The following ANKS1A variants were observed in gnomAD, a reference collection of about 807,000 sequenced individuals.
The protein encoded by ANKS1A is ankyrin repeat and sterile alpha motif domain containing 1A.
Under a neutral mutation model 120.3 loss-of-function variants are expected in ANKS1A, and 55 were observed. That is an observed-to-expected ratio of 0.46 (90% CI 0.37 to 0.57). The LOEUF (loss-of-function observed/expected upper bound fraction) is 0.57, where lower values mean the gene tolerates loss of function less well. Among genes scored for constraint, ANKS1A ranks in the 20% least tolerant of loss-of-function variants. ANKS1A has a pLI of 0.00. For missense variants in ANKS1A, 1,123 were observed against 1,480.3 expected (o/e 0.76, Z 3.96); for synonymous variants, 590 against 604.7 (o/e 0.98, Z 0.36).
In ANKS1A at chr6:34,889,423, G is replaced by C; in HGVS notation, c.21G>C (p.Leu7=). MGKEQE[L]LEAARTGHLP... ...TGGGGATGGGGAAGGAGCAGGAGCTGCTGGAGGCGGCCCGCACCGGGCACC... is the reference window on the plus strand; with the variant it reads ...TGGGGATGGGGAAGGAGCAGGAGCTCCTGGAGGCGGCCCGCACCGGGCACC... Residue 7 remains leucine, a synonymous_variant, in exon 1 of 24, where the codon CTG becomes CTC. Coordinates refer to ENST00000360359, the MANE Select transcript of ANKS1A (RefSeq NM_015245.3). The surrounding 1 kb of genome is among the most constrained non-coding windows in gnomAD (Gnocchi z 5.5). The C allele has an allele frequency of 7.8e-7, 1 of 1,285,198 alleles. No individual in the cohort carries two copies. The highest frequency in any genetic ancestry group is 9.8e-7 in the Non-Finnish European group (1 of 1,019,812). The allele number at this position is 1,285,198 out of a possible 1,614,324, so 79.6% of individuals were successfully genotyped here.
chr6:34,946,556 C>T (rs970504480), intron 1 of ANKS1A, among the ~76,000 whole-genome samples: 2 of 151,332 alleles, frequency 1.3e-5, no homozygotes, highest in African/African-American at 2.4e-5. Flanking sequence ...CTACTGCACT[C>T]CATCCTGGGT....
At chr6:35,018,210 A>T (rs1345930805) in intron 11 of ANKS1A, 151 bp downstream of exon 11, 11 of 790,982 alleles carry the variant, frequency 1.4e-5, no homozygotes, top group Non-Finnish European at 2.2e-5. Context: ...TGACAATCGT[A>T]AGAAGAGGCG....
At chr6:34,988,083 C>G (rs934247361) in intron 8 of ANKS1A, among the ~76,000 whole-genome samples, 1 of 152,238 alleles carries the variant, frequency 6.6e-6, no homozygotes, top group Non-Finnish European at 1.5e-5. Flanking sequence ...CTAACTTATC[C>G]TGTGTCACCT....
intron 20 of ANKS1A, 118 bp downstream of exon 20, chr6:35,083,621 C>A (rs1777804636): frequency 1.1e-6 from 1 of 941,352 alleles, no homozygotes; most frequent in Non-Finnish European, 1.7e-6. Context: ...CTAGAGGGTC[C>A]CCAGTCCTCT....
intron 12 of ANKS1A, among the ~76,000 whole-genome samples, chr6:35,056,413 C>T (rs1464060781): frequency 4.6e-5 from 7 of 152,158 alleles, no homozygotes; most frequent in African/African-American, 1.2e-4. Flanking sequence ...CTCAGCCTCC[C>T]GAGTAGCTGG....
rs1771952715 is a variant in ANKS1A at position 34,982,466 on chromosome 6, T to C, written c.733-286T>C. Among the ~76,000 whole-genome samples, 1 of 152,134 alleles carries C rather than the reference T, an allele frequency of 6.6e-6. No individual in the cohort carries two copies. The highest frequency in any genetic ancestry group is 2.4e-5 in the African/African-American group (1 of 41,402). On this transcript the variant is annotated intron_variant, in intron 4 of 23. Coordinates refer to ENST00000360359, the MANE Select transcript of ANKS1A (RefSeq NM_015245.3). This position sits in a 1 kb window ranked among gnomAD's most constrained non-coding sequence, Gnocchi z 4.9. ...TTGTACTTTTCTTCTTATTACTCCT[T>C]CCACCCAGGAAGGTGGAGTTCTGAG...
In ANKS1A at chr6:35,082,527, C is replaced by T. The variant is rs1037604485; in HGVS notation, c.2710-164C>T. Among the ~76,000 whole-genome samples the T allele has an allele frequency of 2.0e-5, 3 of 152,144 alleles. No individual in the cohort carries two copies. Among genetic ancestry groups the T allele is most frequent in the African/African-American group, 4.8e-5 (2 of 41,424 alleles). ...GCTGTGGCTAGCACCTCCCCTCTCC[C>T]GCAGTGTGTTTGAATTGCTGGTCTG... On this transcript the variant is annotated intron_variant, in intron 17 of 23. Transcript: ENST00000360359. This position sits in a 1 kb window ranked among gnomAD's most constrained non-coding sequence, Gnocchi z 4.1.
intron 13 of ANKS1A, among the ~76,000 whole-genome samples, chr6:35,065,406 G>A (rs1776722163): frequency 6.6e-6 from 1 of 152,240 alleles, no homozygotes; most frequent in African/African-American, 2.4e-5. Flanking sequence ...TTAAAGTGGA[G>A]TTGGACTGGC....
intron 3 of ANKS1A, among the ~76,000 whole-genome samples, chr6:34,978,509 A>G (rs1771725935): frequency 6.6e-6 from 1 of 152,156 alleles, no homozygotes; most frequent in South Asian, 2.1e-4. Flanking sequence ...GCACTTAATA[A>G]TAGTTTCCTA....
intron 1 of ANKS1A, among the ~76,000 whole-genome samples, chr6:34,937,335 A>G (rs928544098): frequency 6.6e-6 from 1 of 151,846 alleles, no homozygotes; most frequent in Non-Finnish European, 1.5e-5. Context: ...ATTTTTTTAA[A>G]AAGAATGGCT....
chr6:35,017,354 G>T (rs1481123342), intron 10 of ANKS1A, 119 bp from the exon 11 acceptor site: 7 of 1,068,608 alleles, frequency 6.6e-6, no homozygotes, highest in East Asian at 2.6e-5. Flanking sequence ...AGCCTATCCA[G>T]TTTCTCTCTC....
downstream of ANKS1A, among the ~76,000 whole-genome samples, chr6:35,094,075 C>T (rs1778388646): frequency 6.6e-6 from 1 of 152,144 alleles, no homozygotes; most frequent in Non-Finnish European, 1.5e-5. Context: ...CAGTGGAGGC[C>T]AGGTGGGGAA....
chr6:34,915,893 A>C (rs1295048540), intron 1 of ANKS1A, among the ~76,000 whole-genome samples: 1 of 151,600 alleles, frequency 6.6e-6, no homozygotes, highest in Admixed American at 6.6e-5. Context: ...ATCTTCTCAG[A>C]GAAAGTATTT....
At chr6:34,991,649 CAT>C (rs765666967) in intron 9 of ANKS1A, among the ~76,000 whole-genome samples, 16 of 132,662 alleles carry the variant, frequency 1.2e-4, no homozygotes, top group East Asian at 6.2e-4. Flanking sequence ...TATACACACA[CAT>C]ATATATACAC....
intron 1 of ANKS1A, among the ~76,000 whole-genome samples, chr6:34,942,908 T>TCCTTCCCTTTCCCCTTC (rs1353998188): frequency 2.0e-5 from 3 of 151,274 alleles, no homozygotes. Context: ...CCCTTCCCTT[T>TCCTTCCCTTTCCCCTTC]CCTTCCCTTT....
chr6:34,921,221 G>A (rs1293161894), intron 1 of ANKS1A, among the ~76,000 whole-genome samples: 2 of 152,210 alleles, frequency 1.3e-5, no homozygotes, highest in Non-Finnish European at 2.9e-5. Context: ...CTAAAGGATA[G>A]CCTATGTCAA....
intron 13 of ANKS1A, among the ~76,000 whole-genome samples, chr6:35,067,886 A>ATTTT (rs750257307): frequency 1.7e-4 from 18 of 106,884 alleles, no homozygotes; most frequent in African/African-American, 2.7e-4. Context: ...TTCATTTTCA[A>ATTTT]TTTTTTTTTT....
chr6:35,015,309 C>T (rs1209395263), intron 10 of ANKS1A, among the ~76,000 whole-genome samples: 1 of 152,206 alleles, frequency 6.6e-6, no homozygotes, highest in Non-Finnish European at 1.5e-5. Context: ...CCAGCCTGGC[C>T]AACATGGCAA....
intron 1 of ANKS1A, among the ~76,000 whole-genome samples, chr6:34,918,721 C>T (rs1161576949): frequency 6.6e-6 from 1 of 152,142 alleles, no homozygotes; most frequent in Non-Finnish European, 1.5e-5. Context: ...TTGTTTCCTT[C>T]TGATCTGTTG....
Sources: gnomAD v4.1 joint callset for allele counts (sites outside exome capture counted in the v4.1 genomes callset) on GRCh38, gnomAD v4.1.1 for gene constraint, Gnocchi (gnomAD v3.1) non-coding constraint, MANE v1.5 for transcripts, NCBI Gene and HGNC (gene_info 2026-07-23, HGNC 2026-07-21) for gene names.